Variants in FBN3 observed in about 807,000 individuals in gnomAD.
FBN3 encodes the protein fibrillin-3.
In FBN3, 234 loss-of-function variants were observed where a neutral mutation model predicts 330.1. That is an observed-to-expected ratio of 0.71 (90% confidence interval 0.64 to 0.79). FBN3 has a LOEUF of 0.79. Ranked by LOEUF, FBN3 falls within the 30% of genes least tolerant of loss-of-function variation. The pLI, the probability that FBN3 is intolerant of heterozygous loss-of-function variation, is 0.00. For synonymous variants in FBN3, 1,458 were observed against 1,517.3 expected (o/e 0.96, Z 0.91); for missense variants, 3,606 against 3,886.9 (o/e 0.93, Z 1.92).
Position 8,081,474 on chromosome 19 carries a change from T to G in FBN3, c.7220A>C (p.Asp2407Ala). The stretch of plus-strand genomic sequence containing the variant: ...TGGCTTGGGGACCTGGCTGCACTCA[T>G]CCATATCTGGGGAAGGACAGCGTGG... The part of the protein sequence containing the change: ...DATATTCLDM[D>A]ECSQVPKPCT... The change falls in exon 58 of 64, where the codon GAT (aspartate) becomes GCT (alanine). Residue 2407 changes from aspartate to alanine, a missense_variant. Transcript: ENST00000600128. The G allele has an allele frequency of 6.2e-7, 1 of 1,603,548 alleles. No individual in the cohort carries two copies. Among genetic ancestry groups the G allele is most frequent in the Non-Finnish European group, 8.5e-7 (1 of 1,175,662 alleles).
At chr19:8,117,043 C>T in intron 28 of FBN3, 126 bp downstream of exon 28, 1 of 1,429,310 alleles carries the variant, frequency 7.0e-7, no homozygotes. Context: ...ACAGGCCAGG[C>T]AGGGGGTGCC....
rs1329530491 is a variant in FBN3, at chr19:8,096,153, C to T, written c.5540-73G>A. The T allele has an allele frequency of 6.1e-6, 7 of 1,139,620 alleles. No individual in the cohort carries two copies. In the East Asian group the frequency reaches 1.6e-4, roughly 27 times the overall value. The allele number at this position is 1,139,620 out of a possible 1,614,324, so 70.6% of individuals were successfully genotyped here. The stretch of plus-strand genomic sequence containing the variant: ...GGGAACTTGGGGAGTGAGAGGCCAG[C>T]TGGACCTAGCACTCCTCCCCTGCAC... On this transcript the variant is annotated intron_variant, in intron 44 of 63. Transcript: ENST00000600128. This position sits in a 1 kb window ranked among gnomAD's most constrained non-coding sequence, Gnocchi z 4.6.
intron 26 of FBN3, among the ~76,000 whole-genome samples, chr19:8,117,959 C>A (rs1312932851): frequency 6.6e-6 from 1 of 151,946 alleles, no homozygotes; most frequent in Non-Finnish European, 1.5e-5. Context: ...CACACAAATA[C>A]ACTCACCCAT....
intron 30 of FBN3, among the ~76,000 whole-genome samples, chr19:8,112,794 T>C (rs1274834679): frequency 1.3e-5 from 2 of 152,244 alleles, no homozygotes. Flanking sequence ...TGTTAAACCT[T>C]GGTGAGCTGC....
intron 63 of FBN3, among the ~76,000 whole-genome samples, chr19:8,070,063 C>A (rs962385363): frequency 6.6e-6 from 1 of 152,214 alleles, no homozygotes; most frequent in African/African-American, 2.4e-5. Flanking sequence ...CCTACAGACA[C>A]AGCTCTACCC....
At chr19:8,122,527 C>T (rs1203789052) in intron 24 of FBN3, among the ~76,000 whole-genome samples, 1 of 149,378 alleles carries the variant, frequency 6.7e-6, no homozygotes, top group Admixed American at 6.7e-5. Context: ...CCACCAGGCC[C>T]AGCTAATTTT....
rs1272997372 is a variant in FBN3 at position 8,089,960 on chromosome 19, C to G, written c.6185-1G>C. The G allele has an allele frequency of 1.2e-6, 2 of 1,609,988 alleles. No individual in the cohort carries two copies. The highest frequency in any genetic ancestry group is 2.2e-5 in the East Asian group (1 of 44,844). Reference sequence around the variant, plus strand: ...AAGGGGCAGAGCTCCTGAAAGGCAGCTGGACGGAGAGGGGGAGGGGAGTCA... The same window carrying G: ...AAGGGGCAGAGCTCCTGAAAGGCAGGTGGACGGAGAGGGGGAGGGGAGTCA... On this transcript the variant is annotated splice_acceptor_variant, in intron 49 of 63. Coordinates refer to ENST00000600128, the MANE Select transcript of FBN3 (RefSeq NM_032447.5). LOFTEE classifies it high-confidence loss of function.
intron 38 of FBN3, among the ~76,000 whole-genome samples, chr19:8,104,518 G>T (rs961406092): frequency 6.6e-6 from 1 of 151,718 alleles, no homozygotes; most frequent in African/African-American, 2.4e-5. Flanking sequence ...TGATGATACT[G>T]CTTCTATTAG....
At chr19:8,142,880 C>T (rs182490005) in intron 6 of FBN3, among the ~76,000 whole-genome samples, 270 of 98,982 alleles carry the variant, frequency 2.7e-3, no homozygotes, top group Middle Eastern at 4.2e-3. Flanking sequence ...CCTCACTCTT[C>T]TGCCACCCAG....
At chr19:8,080,370 G>C (rs1239263521) in intron 59 of FBN3, among the ~76,000 whole-genome samples, 1 of 152,208 alleles carries the variant, frequency 6.6e-6, no homozygotes, top group Admixed American at 6.5e-5. Flanking sequence ...TTTAGCTGTT[G>C]AACTGATTTC....
chr19:8,125,837 G>A, intron 22 of FBN3, 55 bp downstream of exon 22: 1 of 1,534,390 alleles, frequency 6.5e-7, no homozygotes, highest in Non-Finnish European at 8.7e-7. Context: ...CACTGCGGGT[G>A]GAGGGAACAA....
chr19:8,122,995 G>A (rs1436214368), intron 24 of FBN3, among the ~76,000 whole-genome samples: 1 of 151,864 alleles, frequency 6.6e-6, no homozygotes, highest in Non-Finnish European at 1.5e-5. Flanking sequence ...GGTCCCTGCA[G>A]CCCAAGGAGG....
chr19:8,147,821 C>A, intron 1 of FBN3: 1 of 229,484 alleles, frequency 4.4e-6, no homozygotes. Flanking sequence ...CAGTGTCATG[C>A]AGCTTTTGCT....
chr19:8,121,712 T>G lies in FBN3; in HGVS notation c.3083-326A>C, dbSNP rs2144899264. ...TTTCTTTATTTTGATGGTAGATTTG[T>G]TTGTTTGTTTTATTTTATTTTATTT... On this transcript the variant is annotated intron_variant, in intron 24 of 63. Coordinates refer to ENST00000600128, the MANE Select transcript of FBN3 (RefSeq NM_032447.5). The surrounding 1 kb of genome is among the most constrained non-coding windows in gnomAD (Gnocchi z 4.5). Among the ~76,000 whole-genome samples, 1 of 152,142 alleles carries G rather than the reference T, an allele frequency of 6.6e-6. No individual in the cohort carries two copies.
In FBN3 at chr19:8,136,403, G is replaced by T; in HGVS notation, c.1330C>A (p.Arg444Ser). The change falls in exon 11 of 64, where the codon CGC (arginine) becomes AGC (serine). Residue 444 changes from arginine to serine, a missense_variant. Coordinates refer to ENST00000600128, the MANE Select transcript of FBN3 (RefSeq NM_032447.5). ...ECNVGYTQDV[R>S]GECIDVDECT... The stretch of plus-strand genomic sequence containing the variant: ...CGCGGCTCACCAATGCACTCGCCGC[G>T]CACGTCCTGGGTGTAGCCCACGTTA... The T allele has an allele frequency of 1.2e-6, 2 of 1,613,960 alleles. No individual in the cohort carries two copies. The highest frequency in any genetic ancestry group is 1.7e-6 in the Non-Finnish European group (2 of 1,179,912).
Position 8,121,389 on chromosome 19 carries a change from G to A in FBN3, c.3083-3C>T. 1 of 1,571,314 alleles carries A rather than the reference G, an allele frequency of 6.4e-7. No individual in the cohort carries two copies. Among genetic ancestry groups the A allele is most frequent in the South Asian group, 1.1e-5 (1 of 88,082 alleles). Reference sequence around the variant, plus strand: ...AGAGATGCGACACTCGTCGATATCTGTGGGGAGAGGGGGCAGAGGCCGGAG... The same window carrying A: ...AGAGATGCGACACTCGTCGATATCTATGGGGAGAGGGGGCAGAGGCCGGAG... On this transcript the variant is annotated splice_polypyrimidine_tract_variant and splice_region_variant and intron_variant, in intron 24 of 63. Transcript: ENST00000600128. This position sits in a 1 kb window ranked among gnomAD's most constrained non-coding sequence, Gnocchi z 4.5.
In FBN3 at chr19:8,126,622, G is replaced by A. The variant is rs1199474250; in HGVS notation, c.2417-17C>T. 8 of 1,604,946 alleles carry A rather than the reference G, an allele frequency of 5.0e-6. No individual in the cohort carries two copies. Among genetic ancestry groups the A allele is most frequent in the Non-Finnish European group, 6.8e-6 (8 of 1,178,404 alleles). On this transcript the variant is annotated splice_polypyrimidine_tract_variant and intron_variant, in intron 19 of 63. Transcript: ENST00000600128. The stretch of plus-strand genomic sequence containing the variant: ...TGGTGCTGTCTGGGGAGAAGAGGCG[G>A]GTCACCTGTCTCACCTGCCGGCCCT...
intron 21 of FBN3, 33 bp downstream of exon 21, chr19:8,126,264 T>G: frequency 1.3e-6 from 2 of 1,575,644 alleles, no homozygotes; most frequent in East Asian, 2.3e-5. Context: ...GGCTCTGGAG[T>G]AGGGGGTGAG....
intron 47 of FBN3, among the ~76,000 whole-genome samples, chr19:8,092,519 C>T (rs748204357): frequency 1.3e-5 from 2 of 151,910 alleles, no homozygotes; most frequent in Non-Finnish European, 2.9e-5. Flanking sequence ...TGGAGACCAG[C>T]TTGGCCAACA....
Sources: gnomAD v4.1 joint callset for allele counts (sites outside exome capture counted in the v4.1 genomes callset) on GRCh38, gnomAD v4.1.1 for gene constraint, Gnocchi (gnomAD v3.1) non-coding constraint, MANE v1.5 for transcripts, NCBI Gene and HGNC (gene_info 2026-07-23, HGNC 2026-07-21) for gene names.